The following ATP10B variants were observed in gnomAD, a reference collection of about 807,000 sequenced individuals.
ATP10B encodes phospholipid-transporting ATPase VB.
ATP10B carries 122 observed loss-of-function variants against 141.2 expected under a neutral mutation model. The observed-to-expected ratio is 0.86, with a 90% confidence interval of 0.75 to 1.00. The LOEUF (loss-of-function observed/expected upper bound fraction) is 1.00, where lower values mean the gene tolerates loss of function less well. Among genes scored for constraint, ATP10B ranks in the 50% least tolerant of loss-of-function variants. ATP10B has a pLI of 0.00. For synonymous variants in ATP10B, 685 were observed against 692.0 expected (o/e 0.99, Z 0.16); for missense variants, 1,876 against 1,825.3 (o/e 1.03, Z -0.51).
intron 1 of ATP10B, among the ~76,000 whole-genome samples, chr5:160,812,983 T>C (rs1315569975): frequency 6.6e-6 from 1 of 152,188 alleles, no homozygotes; most frequent in Non-Finnish European, 1.5e-5. Context: ...AAGTCAATAA[T>C]AAAGAAAGAA....
chr5:160,689,311 C>G (rs749680063), intron 3 of ATP10B, among the ~76,000 whole-genome samples: 4 of 152,114 alleles, frequency 2.6e-5, no homozygotes, highest in Non-Finnish European at 4.4e-5. Context: ...CTTTGGAAAC[C>G]AGCACAAGAC....
intron 3 of ATP10B, among the ~76,000 whole-genome samples, chr5:160,689,420 G>A (rs773271361): frequency 2.9e-4 from 44 of 152,146 alleles, no homozygotes; most frequent in Non-Finnish European, 5.3e-4. Context: ...CGAATAGGAA[G>A]AGAGAGAGTC....
chr5:160,900,478 T>TC, the ATP10B span, among the ~76,000 whole-genome samples: 1 of 152,298 alleles, frequency 6.6e-6, no homozygotes, highest in East Asian at 1.9e-4. Context: ...GGATTGAACC[T>TC]CCGTCCCCTC....
chr5:160,800,157 T>C (rs921841257), intron 1 of ATP10B, among the ~76,000 whole-genome samples: 10 of 152,166 alleles, frequency 6.6e-5, no homozygotes, highest in African/African-American at 1.9e-4. Context: ...CATTATTTTA[T>C]ATAATTCTGT....
intron 2 of ATP10B, among the ~76,000 whole-genome samples, chr5:160,773,147 G>A (rs75182379): frequency 0.01 from 1,566 of 152,302 alleles, 28 homozygotes; most frequent in African/African-American, 0.03. Context: ...GGTGTCTGAG[G>A]TTGTTCTAAG....
rs370488496 is a variant in ATP10B, at chr5:160,616,046, C to G, written c.2527-82G>C. 4.0e-4 allele frequency: 582 copies of G among 1,469,310 alleles called. 8 individuals carry two copies. In the South Asian group the frequency reaches 7.8e-3, roughly 20 times the overall value. 91.0% of individuals were successfully genotyped at this position (1,469,310 alleles called of 1,614,324 possible). A position where few individuals can be genotyped will look rare whatever the true frequency, so the allele number is the denominator to read the frequency against. On this transcript the variant is annotated intron_variant, in intron 16 of 25. Transcript: ENST00000327245. Reference sequence around the variant, plus strand: ...CTCTCTCTTCCCACCTGCTGGGTCTCCTATTGGCCTGTTTGAACTTCCCTA... The same window carrying G: ...CTCTCTCTTCCCACCTGCTGGGTCTGCTATTGGCCTGTTTGAACTTCCCTA...
At chr5:160,818,760 C>A (rs932364053) in intron 1 of ATP10B, among the ~76,000 whole-genome samples, 7 of 152,278 alleles carry the variant, frequency 4.6e-5, no homozygotes, top group Non-Finnish European at 1.0e-4. Context: ...AAATGCCCAA[C>A]AATGATAGAC....
chr5:160,873,171 T>C, the ATP10B span, among the ~76,000 whole-genome samples: 1 of 151,884 alleles, frequency 6.6e-6, no homozygotes, highest in Admixed American at 6.6e-5. Flanking sequence ...CTTGATCTGA[T>C]TCTCTGCGGT....
At position 160,652,721 on chromosome 5, in the gene ATP10B, A is replaced by G. The variant is rs1317157786; in HGVS notation, c.676-3465T>C. On this transcript the variant is annotated intron_variant, in intron 7 of 25. Coordinates refer to ENST00000327245, the MANE Select transcript of ATP10B (RefSeq NM_025153.3). ...TAATATATACATATATAATTTATATATAATATATACATATATTTATGTACT... is the reference window on the plus strand; with the variant it reads ...TAATATATACATATATAATTTATATGTAATATATACATATATTTATGTACT... Among the ~76,000 whole-genome samples the G allele has an allele frequency of 2.6e-4, 33 of 127,704 alleles. 1 individual carries two copies. The highest frequency in any genetic ancestry group is 9.7e-4 in the African/African-American group (33 of 33,852). 83.8% of individuals were successfully genotyped at this position (127,704 alleles called of 152,430 possible). A position where few individuals can be genotyped will look rare whatever the true frequency, so the allele number is the denominator to read the frequency against.
At chr5:160,626,585 C>T (rs923448459) in intron 13 of ATP10B, among the ~76,000 whole-genome samples, 5 of 152,178 alleles carry the variant, frequency 3.3e-5, no homozygotes, top group South Asian at 2.1e-4. Context: ...AACCCTTTAA[C>T]GCTATGCCAA....
chr5:160,578,231 T>G (rs1755316408), intron 24 of ATP10B, among the ~76,000 whole-genome samples: 1 of 152,186 alleles, frequency 6.6e-6, no homozygotes, highest in East Asian at 1.9e-4. Flanking sequence ...AGTTCTGGGC[T>G]ACATGTGCAG....
Position 160,689,837 on chromosome 5 carries a change from A to G in ATP10B, c.-204-894T>C, listed in dbSNP as rs546429052. Among the ~76,000 whole-genome samples, 3 of 152,330 alleles carry G rather than the reference A, an allele frequency of 2.0e-5. No individual in the cohort carries two copies. The South Asian group carries it at 6.2e-4, about 32-fold the overall frequency. The stretch of plus-strand genomic sequence containing the variant: ...CATCAAGCTACCATTGACTTTCTTC[A>G]CAGAATTTGAAAAAACTACTTTAAA... On this transcript the variant is annotated intron_variant, in intron 3 of 25. Transcript: ENST00000327245.
intron 3 of ATP10B, among the ~76,000 whole-genome samples, chr5:160,701,533 T>G (rs1470642956): frequency 6.6e-6 from 1 of 152,126 alleles, no homozygotes. Context: ...TCTGTACAAG[T>G]CTGGATTGAG....
At chr5:160,906,731 G>A in the ATP10B span, among the ~76,000 whole-genome samples, 4 of 152,224 alleles carry the variant, frequency 2.6e-5, no homozygotes, top group Non-Finnish European at 4.4e-5. Context: ...GAGATCTGTC[G>A]GTACCCAGTA....
rs140748713 is a variant in ATP10B at position 160,832,607 on chromosome 5, C to T, written c.-576+19334G>A. 6.0e-3 allele frequency among the ~76,000 whole-genome samples: 917 copies of T among 152,256 alleles called. 13 individuals carry two copies. The highest frequency in any genetic ancestry group is 0.021 in the African/African-American group (873 of 41,562). On this transcript the variant is annotated intron_variant, in intron 1 of 25. Coordinates refer to ENST00000327245, the MANE Select transcript of ATP10B (RefSeq NM_025153.3). Reference sequence around the variant, plus strand: ...AGGCTTTCAATTTTTACTGTATAACCTGTGCTTCTAGAATGTAGACTGCTC... The same window carrying T: ...AGGCTTTCAATTTTTACTGTATAACTTGTGCTTCTAGAATGTAGACTGCTC...
chr5:160,586,508 G>A (rs541557180), intron 24 of ATP10B, among the ~76,000 whole-genome samples: 4 of 152,302 alleles, frequency 2.6e-5, no homozygotes, highest in Admixed American at 2.6e-4. Context: ...TGGGATTGCT[G>A]GGTCAAATGG....
At chr5:160,903,137 C>T in the ATP10B span, among the ~76,000 whole-genome samples, 18 of 152,156 alleles carry the variant, frequency 1.2e-4, no homozygotes, top group African/African-American at 4.3e-4. Flanking sequence ...ATGATCCACT[C>T]AAACCATGAT....
At chr5:160,715,688 C>CTTGCTTTATTTATTTA (rs372405098) in intron 3 of ATP10B, among the ~76,000 whole-genome samples, 3 of 141,664 alleles carry the variant, frequency 2.1e-5, no homozygotes, top group Admixed American at 7.1e-5. Flanking sequence ...ATTTAGCTTG[C>CTTGCTTTATTTATTTA]TTTATTTATT....
chr5:160,745,529 CTTG>C (rs1437732097), intron 2 of ATP10B, among the ~76,000 whole-genome samples: 1 of 152,154 alleles, frequency 6.6e-6, no homozygotes, highest in East Asian at 1.9e-4. Flanking sequence ...TTCATTAAAA[CTTG>C]TTAAGAATAT....
Sources: allele counts gnomAD v4.1 joint callset (sites outside exome capture counted in the v4.1 genomes callset), GRCh38; gene constraint gnomAD v4.1.1; transcripts MANE v1.5; gene names NCBI Gene and HGNC (gene_info 2026-07-23, HGNC 2026-07-21).